Variants in TEKT5 observed in about 807,000 individuals in gnomAD.
TEKT5 encodes tektin 5, also known as tektin-5.
In TEKT5, 52 loss-of-function variants were observed where a neutral mutation model predicts 48.7. The observed-to-expected ratio is 1.07, with a 90% CI of 0.86 to 1.35. The LOEUF (loss-of-function observed/expected upper bound fraction) is 1.35, where lower values mean the gene tolerates loss of function less well. Ranked by LOEUF, TEKT5 falls within the 40% of genes most tolerant of loss-of-function variation. The pLI is 0.00. For missense variants in TEKT5, 831 were observed against 641.6 expected (o/e 1.30, Z -3.19); for synonymous variants, 318 against 267.6 (o/e 1.19, Z -1.84).
At position 10,651,204 on chromosome 16, in the gene TEKT5, G is replaced by A. The variant is rs1489301262; in HGVS notation, c.1087-15286C>T. 2.6e-5 allele frequency among the ~76,000 whole-genome samples: 4 copies of A among 152,288 alleles called. No homozygotes were observed. In the East Asian group the frequency reaches 5.8e-4, roughly 22 times the overall value. The stretch of plus-strand genomic sequence containing the variant: ...ATTCACCTGGGATGCACCTCCCCAG[G>A]TATCCACATGCCTCATTCTCTCACC... On this transcript the variant is annotated intron_variant, in intron 5 of 6. Transcript: ENST00000283025.
chr16:10,689,259 T>A lies in TEKT5; in HGVS notation c.713A>T (p.Gln238Leu), dbSNP rs756415821. Residue 238 changes from glutamine to leucine, a missense_variant, in exon 3 of 7, where the codon CAG becomes CTG. Physicochemically the swap from Gln to Leu is moderately radical, Grantham distance 113. Transcript: ENST00000283025. ...AAAAAAAAAAAGCCCTTACCGCATCTGGATATCAATTCTTTGAGCTAATTT... is the reference window on the plus strand; with the variant it reads ...AAAAAAAAAAAGCCCTTACCGCATCAGGATATCAATTCTTTGAGCTAATTT... ...MRKLAQRIDI[Q>L]MRDNRDAQHV... 10 of 1,606,890 alleles carry A rather than the reference T, an allele frequency of 6.2e-6. No individual in the cohort carries two copies. In the East Asian group the frequency reaches 1.8e-4, roughly 29 times the overall value.
chr16:10,656,204 C>A (rs1039171147), intron 5 of TEKT5, among the ~76,000 whole-genome samples: 2 of 152,166 alleles, frequency 1.3e-5, no homozygotes, highest in East Asian at 1.9e-4. Flanking sequence ...CCAACTACCC[C>A]CTAGAGGAAA....
chr16:10,645,449 C>T (rs1898055572), intron 5 of TEKT5, among the ~76,000 whole-genome samples: 1 of 152,098 alleles, frequency 6.6e-6, no homozygotes, highest in Admixed American at 6.6e-5. Flanking sequence ...GAGGTGAAGG[C>T]TGCAGTGAGC....
At chr16:10,673,116 G>T (rs1242424765) in intron 5 of TEKT5, among the ~76,000 whole-genome samples, 2 of 152,194 alleles carry the variant, frequency 1.3e-5, no homozygotes, top group Non-Finnish European at 2.9e-5. Flanking sequence ...CTAGCCAAAA[G>T]ATATGAGATG....
rs753125702 is a variant in TEKT5 at position 10,654,016 on chromosome 16, ATGTG to A, written c.1087-18102_1087-18099del. Among the ~76,000 whole-genome samples, 1,030 of 135,998 alleles carry A rather than the reference ATGTG, an allele frequency of 7.6e-3. 7 individuals are homozygous for A. The highest frequency in any genetic ancestry group is 0.034 in the African/African-American group (969 of 28,766). 89.2% of individuals were successfully genotyped at this position (135,998 alleles called of 152,430 possible). A position where few individuals can be genotyped will look rare whatever the true frequency, so the allele number is the denominator to read the frequency against. On this transcript the variant is annotated intron_variant, in intron 5 of 6. Transcript: ENST00000283025. ...TGTGTGAACGTGTGTGTGTGTGTGC[ATGTG>A]TGTGTGTGTGCACATGTGTGTGTGT...
chr16:10,683,750 C>G (rs1898801626), intron 3 of TEKT5, among the ~76,000 whole-genome samples: 1 of 152,264 alleles, frequency 6.6e-6, no homozygotes, highest in East Asian at 1.9e-4. Flanking sequence ...GCCACCACTC[C>G]CGGCTGATTT....
intron 5 of TEKT5, among the ~76,000 whole-genome samples, chr16:10,641,918 A>T (rs1897999031): frequency 6.6e-6 from 1 of 152,270 alleles, no homozygotes; most frequent in Non-Finnish European, 1.5e-5. Context: ...CTAGCACGAG[A>T]CTAGCTCCAA....
intron 5 of TEKT5, among the ~76,000 whole-genome samples, chr16:10,658,613 T>C (rs1193701122): frequency 1.3e-5 from 2 of 151,954 alleles, no homozygotes; most frequent in African/African-American, 4.8e-5. Flanking sequence ...AGAGGTGGTA[T>C]GAGGGGGGCT....
At chr16:10,648,861 ATATTTATTTTCTAGCTACCCTCT>A (rs1898110825) in intron 5 of TEKT5, among the ~76,000 whole-genome samples, 1 of 152,122 alleles carries the variant, frequency 6.6e-6, no homozygotes, top group African/African-American at 2.4e-5. Context: ...TGCTTCCCTT[ATATTTATTTTCTAGCTACCCTCT>A]GCTTACAGCA....
intron 5 of TEKT5, among the ~76,000 whole-genome samples, chr16:10,675,440 T>C (rs1898627337): frequency 6.6e-6 from 1 of 152,000 alleles, no homozygotes; most frequent in Non-Finnish European, 1.5e-5. Flanking sequence ...GGCACACTGG[T>C]GTAGGCATAG....
At chr16:10,676,294 T>G (rs1204417696) in intron 4 of TEKT5, 113 bp from the exon 5 acceptor site, 22 of 1,014,878 alleles carry the variant, frequency 2.2e-5, no homozygotes, top group Admixed American at 1.0e-4. Flanking sequence ...TCCTGTGCAT[T>G]GTAGGGTGCT....
chr16:10,690,225 C>A (rs186549598), intron 1 of TEKT5, 200 bp from the exon 2 acceptor site: 25 of 580,710 alleles, frequency 4.3e-5, no homozygotes, highest in African/African-American at 3.7e-4. Context: ...GTCATATGAC[C>A]AAGGCATCCG....
intron 4 of TEKT5, among the ~76,000 whole-genome samples, chr16:10,681,573 C>T (rs1898751947): frequency 6.6e-6 from 1 of 151,554 alleles, no homozygotes; most frequent in East Asian, 1.9e-4. Context: ...GTCTCCCTGC[C>T]GAGGTTGTCA....
intron 5 of TEKT5, among the ~76,000 whole-genome samples, chr16:10,670,938 T>C (rs540286185): frequency 2.6e-4 from 39 of 152,186 alleles, no homozygotes; most frequent in African/African-American, 8.9e-4. Context: ...AATGTCTTGC[T>C]CTGTCACCCA....
chr16:10,657,794 G>A (rs1434292432), intron 5 of TEKT5, among the ~76,000 whole-genome samples: 2 of 150,866 alleles, frequency 1.3e-5, no homozygotes, highest in Non-Finnish European at 2.9e-5. Context: ...TAGAGACAGG[G>A]TTTTACCGTG....
At chr16:10,646,667 A>G (rs1000281868) in intron 5 of TEKT5, among the ~76,000 whole-genome samples, 4 of 152,184 alleles carry the variant, frequency 2.6e-5, no homozygotes, top group Admixed American at 2.0e-4. Flanking sequence ...AATAGATAGC[A>G]GTTTGCTCCC....
intron 4 of TEKT5, among the ~76,000 whole-genome samples, chr16:10,678,339 C>T (rs1267901651): frequency 2.0e-5 from 3 of 152,104 alleles, no homozygotes; most frequent in African/African-American, 7.2e-5. Context: ...CGTCGTGATT[C>T]GCCCACCTCA....
intron 6 of TEKT5, among the ~76,000 whole-genome samples, chr16:10,628,905 CAA>C (rs201157132): frequency 6.6e-4 from 52 of 79,258 alleles, no homozygotes; most frequent in Admixed American, 1.1e-3. Context: ...AACTCTGTCT[CAA>C]AAAAAAAAAA....
intron 5 of TEKT5, among the ~76,000 whole-genome samples, chr16:10,672,011 T>C (rs114105756): frequency 0.016 from 2,477 of 151,506 alleles, 67 homozygotes; most frequent in African/African-American, 0.055. Context: ...TGGGGGGAGA[T>C]GGAAAAGGGG....
Sources: allele counts gnomAD v4.1 joint callset (sites outside exome capture counted in the v4.1 genomes callset), GRCh38; gene constraint gnomAD v4.1.1; transcripts MANE v1.5; gene names NCBI Gene and HGNC (gene_info 2026-07-23, HGNC 2026-07-21).